SCRIB: variants seen among roughly 807,000 people sequenced by gnomAD.
SCRIB encodes the protein protein scribble homolog.
A neutral mutation model predicts 170.0 loss-of-function variants in SCRIB; 72 were observed. The ratio of observed to expected loss-of-function variants is 0.42; its 90% CI spans 0.35 to 0.52. SCRIB has a LOEUF of 0.52. Among genes scored for constraint, SCRIB ranks in the 20% least tolerant of loss-of-function variants. The pLI is 0.02. For synonymous variants in SCRIB, 1,298 were observed against 1,044.3 expected (o/e 1.24, Z -4.68); for missense variants, 2,475 against 2,338.5 (o/e 1.06, Z -1.20).
At chr8:143,799,464 G>A (rs1375467398) in intron 24 of SCRIB, among the ~76,000 whole-genome samples, 1 of 152,254 alleles carries the variant, frequency 6.6e-6, no homozygotes, top group East Asian at 1.9e-4. Flanking sequence ...CAGGGCCGAG[G>A]GGGAGGTGGC....
At chr8:143,807,463 G>A in intron 16 of SCRIB, 89 bp downstream of exon 16, 2 of 1,067,776 alleles carry the variant, frequency 1.9e-6, no homozygotes, top group African/African-American at 1.5e-5. Context: ...CTGCGCTCAA[G>A]CAACAGGGGC....
chr8:143,809,541 C>A lies in SCRIB; in HGVS notation c.1698+10G>T. On this transcript the variant is annotated intron_variant, in intron 14 of 36. Transcript: ENST00000356994. Reference sequence around the variant, plus strand: ...GCCCAGCCTCCTGCCTCCTTCCTGCCAATCCACACCTCCTGGTAGTCCTCT... The same window carrying A: ...GCCCAGCCTCCTGCCTCCTTCCTGCAAATCCACACCTCCTGGTAGTCCTCT... The A allele has an allele frequency of 6.2e-7, 1 of 1,602,804 alleles. No homozygotes were observed. Among genetic ancestry groups the A allele is most frequent in the Non-Finnish European group, 8.5e-7 (1 of 1,173,710 alleles).
rs1815825963 is a variant in SCRIB, at chr8:143,813,107, G to A, written c.568-3C>T. ...GGCAGAGCCCCCAGAGTGTCTGGCTGCAAGAAGGAACAGAGAAAATAGTGA... is the reference window on the plus strand; with the variant it reads ...GGCAGAGCCCCCAGAGTGTCTGGCTACAAGAAGGAACAGAGAAAATAGTGA... On this transcript the variant is annotated splice_polypyrimidine_tract_variant and splice_region_variant and intron_variant, in intron 6 of 36. Coordinates refer to ENST00000356994, the MANE Select transcript of SCRIB (RefSeq NM_182706.5). The A allele has an allele frequency of 1.3e-6, 2 of 1,573,796 alleles. No individual in the cohort carries two copies. The highest frequency in any genetic ancestry group is 1.7e-6 in the Non-Finnish European group (2 of 1,157,730).
rs751705450 is a variant in SCRIB at position 143,811,182 on chromosome 8, G to A, written c.1070C>T (p.Thr357Met). ...LAVLPPELAH[T>M]TELHVLDVAG... ...CACGTCCAGCACGTGCAGCTCTGTC[G>A]TGTGGGCCAGCTCTGGTGGCAGGAC... The change falls in exon 10 of 37, where the codon ACG (threonine) becomes ATG (methionine). Residue 357 changes from threonine to methionine, a missense_variant. Thr to Met is a moderately conservative substitution (Grantham distance 81). Around this residue, in one of 3 missense-constraint regions of SCRIB, gnomAD observed 487 missense variants for 558.1 expected, o/e 0.87. Coordinates refer to ENST00000356994, the MANE Select transcript of SCRIB (RefSeq NM_182706.5). The A allele has an allele frequency of 1.1e-5, 17 of 1,610,586 alleles. No homozygotes were observed. The highest frequency in any genetic ancestry group is 1.6e-4 in the Middle Eastern group (1 of 6,080).
In SCRIB at chr8:143,815,480, G is replaced by A; in HGVS notation, c.-108C>T. The A allele has an allele frequency of 2.0e-6, 2 of 1,022,400 alleles. No homozygotes were observed. Among genetic ancestry groups the A allele is most frequent in the South Asian group, 4.5e-5 (1 of 22,430 alleles). The allele number at this position is 1,022,400 out of a possible 1,614,324, so 63.3% of individuals were successfully genotyped here. A position where few individuals can be genotyped will look rare whatever the true frequency, so the allele number is the denominator to read the frequency against. The stretch of plus-strand genomic sequence containing the variant: ...CGCGCATGGGGAGGGGGCGCAGGCA[G>A]GGGGCGGGCCGCCCGAGACTGGACG... On this transcript the variant is annotated 5_prime_UTR_variant, in exon 1 of 37. Coordinates refer to ENST00000356994, the MANE Select transcript of SCRIB (RefSeq NM_182706.5).
chr8:143,813,004 AGG>A, intron 7 of SCRIB, 24 bp downstream of exon 7: 1 of 1,609,572 alleles, frequency 6.2e-7, no homozygotes, highest in East Asian at 2.2e-5. Flanking sequence ...GGCACGAAGC[AGG>A]GGGCCAGCCC....
intron 24 of SCRIB, among the ~76,000 whole-genome samples, chr8:143,802,027 CCTCT>C (rs1426849340): frequency 1.3e-5 from 2 of 152,236 alleles, no homozygotes; most frequent in Non-Finnish European, 2.9e-5. Context: ...GAGCTCGCTC[CCTCT>C]CTAATAAAAA....
rs782113434 is a variant in SCRIB, at chr8:143,792,956, G to C, written c.4017+20C>G. The C allele has an allele frequency of 1.6e-5, 24 of 1,499,330 alleles. No homozygotes were observed. In the Admixed American group the frequency reaches 5.4e-4, roughly 33 times the overall value. 92.9% of individuals were successfully genotyped at this position (1,499,330 alleles called of 1,614,324 possible). A position where few individuals can be genotyped will look rare whatever the true frequency, so the allele number is the denominator to read the frequency against. On this transcript the variant is annotated intron_variant, in intron 29 of 36. Transcript: ENST00000356994. ...CCACCCCAACCACGCGCAGCAGGGA[G>C]GCGTGCTGCCCCCACACACCTGGGC...
At chr8:143,793,827 G>T in intron 28 of SCRIB, 73 bp downstream of exon 28, 1 of 1,455,732 alleles carries the variant, frequency 6.9e-7, no homozygotes. Flanking sequence ...TGGAGGAGGG[G>T]CCCTGTGCAC....
rs781879248 is a variant in SCRIB, at chr8:143,804,128, G to A, written c.3038C>T (p.Pro1013Leu). 33 of 1,612,162 alleles carry A rather than the reference G, an allele frequency of 2.0e-5. No individual in the cohort carries two copies. The highest frequency in any genetic ancestry group is 3.3e-4 in the Middle Eastern group (2 of 6,074). The change falls in exon 22 of 37, where the codon CCT becomes CTT. Residue 1013 changes from proline to leucine, a missense_variant. Transcript: ENST00000356994. ...EEIRLPRAGG[P>L]LGLSIVGGSD... ...GCCTCCGACAATACTAAGCCCCAGAGGGCCCCCAGCTCTTGGCAGACGGAT... is the reference window on the plus strand; with the variant it reads ...GCCTCCGACAATACTAAGCCCCAGAAGGCCCCCAGCTCTTGGCAGACGGAT...
chr8:143,811,349 G>C lies in SCRIB; in HGVS notation c.907-4C>G, dbSNP rs200867608. 1.1e-5 allele frequency: 18 copies of C among 1,610,572 alleles called. No individual in the cohort carries two copies. Among genetic ancestry groups the C allele is most frequent in the African/African-American group, 4.0e-5 (3 of 74,876 alleles). The stretch of plus-strand genomic sequence containing the variant: ...TTCCCAGGGAGCGGGGCAGGGCCTG[G>C]CCAAGAAGAGGAGGTCAGAGGACGC... On this transcript the variant is annotated splice_polypyrimidine_tract_variant and splice_region_variant and intron_variant, in intron 9 of 36. Coordinates refer to ENST00000356994, the MANE Select transcript of SCRIB (RefSeq NM_182706.5).
At chr8:143,814,544 T>C (rs1242892087) in intron 1 of SCRIB, among the ~76,000 whole-genome samples, 2 of 152,016 alleles carry the variant, frequency 1.3e-5, no homozygotes, top group Admixed American at 6.6e-5. Flanking sequence ...AATAACACAG[T>C]ACCACAGGCA....
At position 143,812,431 on chromosome 8, in the gene SCRIB, C is replaced by T. The variant is rs575846262; in HGVS notation, c.788-47G>A. ...GACAAGGCTGAGCATGGTCCCCAGA[C>T]GTGCCTTACCCACCTGGCCAGAAGC... On this transcript the variant is annotated intron_variant, in intron 8 of 36. Transcript: ENST00000356994. 77 of 1,419,522 alleles carry T rather than the reference C, an allele frequency of 5.4e-5. 1 individual carries two copies. The highest frequency in any genetic ancestry group is 3.5e-4 in the Middle Eastern group (2 of 5,714). 87.9% of individuals were successfully genotyped at this position (1,419,522 alleles called of 1,614,324 possible).
rs782178893 is a variant in SCRIB, at chr8:143,804,968, G to C, written c.2717C>G (p.Ala906Gly). Residue 906 changes from alanine (A) to glycine (G), a missense_variant, in exon 20 of 37, where the codon GCG becomes GGG. Physicochemically the swap from Ala to Gly is moderately conservative, Grantham distance 60. Coordinates refer to ENST00000356994, the MANE Select transcript of SCRIB (RefSeq NM_182706.5). ...RIAEGGAAHR[A>G]GTLQVGDRVL... The stretch of plus-strand genomic sequence containing the variant: ...GCGGTCGCCAACCTGCAGTGTGCCC[G>C]CGCGGTGAGCAGCACCGCCCTCGGC... 8 of 1,580,292 alleles carry C rather than the reference G, an allele frequency of 5.1e-6. No individual in the cohort carries two copies. Among genetic ancestry groups the C allele is most frequent in the Admixed American group, 1.8e-5 (1 of 56,686 alleles).
At chr8:143,802,078 A>T (rs903583734) in intron 24 of SCRIB, among the ~76,000 whole-genome samples, 1 of 152,242 alleles carries the variant, frequency 6.6e-6, no homozygotes, top group Non-Finnish European at 1.5e-5. Context: ...ACGTGTTTAG[A>T]TACACATTTA....
At chr8:143,801,045 A>C (rs778008641) in intron 24 of SCRIB, among the ~76,000 whole-genome samples, 4 of 152,260 alleles carry the variant, frequency 2.6e-5, no homozygotes, top group Non-Finnish European at 5.9e-5. Flanking sequence ...AACCTGCTAC[A>C]AAGTGAGGGA....
intron 24 of SCRIB, 37 bp from the exon 25 acceptor site, chr8:143,795,567 C>A: frequency 6.5e-7 from 1 of 1,539,376 alleles, no homozygotes; most frequent in Non-Finnish European, 8.9e-7. Flanking sequence ...GGGGGGACTG[C>A]AACCCGGGGT....
intron 9 of SCRIB, among the ~76,000 whole-genome samples, chr8:143,811,701 C>T (rs1413885782): frequency 6.6e-6 from 1 of 152,102 alleles, no homozygotes; most frequent in East Asian, 1.9e-4. Flanking sequence ...GCTCCCCAGG[C>T]CCCCAGTTCC....
At chr8:143,792,446 G>C in intron 31 of SCRIB, 39 bp downstream of exon 31, 1 of 1,511,942 alleles carries the variant, frequency 6.6e-7, no homozygotes, top group Non-Finnish European at 8.8e-7. Context: ...GCAGGGGCAC[G>C]TGGGGTGAGT....
Sources: gnomAD v4.1 joint callset for allele counts (sites outside exome capture counted in the v4.1 genomes callset) on GRCh38, gnomAD v4.1.1 for gene constraint, gnomAD v4.1.1 regional missense constraint, MANE v1.5 for transcripts, NCBI Gene and HGNC (gene_info 2026-07-23, HGNC 2026-07-21) for gene names.